The following GRM5 variants were observed in gnomAD, a reference collection of about 807,000 sequenced individuals.
GRM5 encodes metabotropic glutamate receptor 5.
Under a neutral mutation model 83.1 loss-of-function variants are expected in GRM5, and 19 were observed. The observed-to-expected ratio is 0.23, with a 90% CI of 0.16 to 0.34. The LOEUF is 0.34. GRM5 is among the 10% of genes least tolerant of loss of function. GRM5 has a pLI of 1.00. For missense variants in GRM5, 1,160 were observed against 1,588.3 expected (o/e 0.73, Z 4.58); for synonymous variants, 675 against 633.6 (o/e 1.07, Z -0.98).
intron 2 of GRM5, among the ~76,000 whole-genome samples, chr11:89,003,030 A>C (rs952578748): frequency 7.9e-5 from 12 of 152,210 alleles, no homozygotes; most frequent in African/African-American, 2.6e-4. Context: ...GCACTATCCC[A>C]AAAATTTTTC....
intron 2 of GRM5, among the ~76,000 whole-genome samples, chr11:88,918,444 ATTAAT>A (rs879823127): frequency 1.3e-5 from 2 of 151,812 alleles, no homozygotes; most frequent in Non-Finnish European, 2.9e-5. Flanking sequence ...TAATAAATAA[ATTAAT>A]TTAAAAAAAA....
At position 88,566,888 on chromosome 11, in the gene GRM5, C is replaced by T. The variant is rs539365130; in HGVS notation, c.2630+165G>A. On this transcript the variant is annotated intron_variant, in intron 8 of 9. Coordinates refer to ENST00000305447, the MANE Select transcript of GRM5 (RefSeq NM_001143831.3). ...GGCCTAAGTAATTGGACCCACATCC[C>T]ATTAACCCCATAAATACCATTTTAT... Among the ~76,000 whole-genome samples the T allele has an allele frequency of 1.2e-4, 18 of 152,236 alleles. No individual in the cohort carries two copies. The South Asian group carries it at 3.7e-3, about 32-fold the overall frequency.
At position 88,822,697 on chromosome 11, in the gene GRM5, T is replaced by C. The variant is rs2135511042; in HGVS notation, c.911+27209A>G. 1.3e-5 allele frequency among the ~76,000 whole-genome samples: 2 copies of C among 152,228 alleles called. 1 individual carries two copies. Among genetic ancestry groups the C allele is most frequent in the South Asian group, 4.2e-4 (2 of 4,818 alleles). ...TTCCGGTTCCTGAATGTGGTACATC[T>C]TTCCCTTTAAGTCTTTATTTCTTCT... On this transcript the variant is annotated intron_variant, in intron 3 of 9. Coordinates refer to ENST00000305447, the MANE Select transcript of GRM5 (RefSeq NM_001143831.3).
At chr11:88,606,260 C>T (rs759992924) in intron 4 of GRM5, among the ~76,000 whole-genome samples, 17 of 152,302 alleles carry the variant, frequency 1.1e-4, no homozygotes, top group Non-Finnish European at 1.6e-4. Flanking sequence ...CGGTGGCTCA[C>T]GCCTGTAATC....
intron 3 of GRM5, among the ~76,000 whole-genome samples, chr11:88,682,869 T>C (rs1940529668): frequency 1.3e-5 from 2 of 152,118 alleles, no homozygotes; most frequent in African/African-American, 4.8e-5. Context: ...TTTTTTTCTT[T>C]GTATTTCCCA....
At chr11:89,025,921 T>C (rs7125869) in intron 2 of GRM5, among the ~76,000 whole-genome samples, 13,044 of 152,136 alleles carry the variant, frequency 0.086, 1,383 homozygotes, top group African/African-American at 0.25. Flanking sequence ...AGCAAAGACA[T>C]AGAATCAACT....
At chr11:88,817,690 T>C (rs956188821) in intron 3 of GRM5, among the ~76,000 whole-genome samples, 3 of 152,138 alleles carry the variant, frequency 2.0e-5, no homozygotes, top group South Asian at 4.1e-4. Flanking sequence ...CTGAGTTATT[T>C]ATTAAATTAT....
chr11:88,844,389 C>CACATAT (rs1555025982), intron 3 of GRM5, among the ~76,000 whole-genome samples: 2 of 145,266 alleles, frequency 1.4e-5, no homozygotes, highest in African/African-American at 5.3e-5. Flanking sequence ...CACACACACA[C>CACATAT]ATATATATAT....
At chr11:89,024,644 T>C (rs1317320496) in intron 2 of GRM5, among the ~76,000 whole-genome samples, 2 of 152,210 alleles carry the variant, frequency 1.3e-5, no homozygotes, top group Non-Finnish European at 2.9e-5. Context: ...TATTATAATA[T>C]ATTATGACCA....
At chr11:89,063,040 C>G (rs1363814379) in intron 1 of GRM5, among the ~76,000 whole-genome samples, 2 of 152,248 alleles carry the variant, frequency 1.3e-5, no homozygotes, top group Non-Finnish European at 1.5e-5. Context: ...CCCGCTGTCC[C>G]CCCTCTTCCT....
intron 8 of GRM5, among the ~76,000 whole-genome samples, chr11:88,538,391 C>T (rs1053933111): frequency 2.0e-5 from 3 of 152,136 alleles, no homozygotes; most frequent in Non-Finnish European, 2.9e-5. Flanking sequence ...CAAAACCAAT[C>T]CTAAGGTGCT....
At chr11:88,629,343 C>T (rs369142649) in intron 4 of GRM5, among the ~76,000 whole-genome samples, 19 of 152,234 alleles carry the variant, frequency 1.2e-4, no homozygotes, top group East Asian at 1.9e-4. Flanking sequence ...GTCAGCTATG[C>T]GCCGTACATA....
intron 2 of GRM5, among the ~76,000 whole-genome samples, chr11:88,898,386 T>C (rs1310344851): frequency 1.3e-5 from 2 of 152,004 alleles, no homozygotes; most frequent in Admixed American, 6.6e-5. Context: ...CATTTGGACT[T>C]TCACATCCCT....
At chr11:88,967,271 AT>A (rs1565313030) in intron 2 of GRM5, among the ~76,000 whole-genome samples, 135 of 111,808 alleles carry the variant, frequency 1.2e-3, no homozygotes, top group African/African-American at 4.3e-3. Flanking sequence ...ATATATATAT[AT>A]ATATAAAATC....
Position 88,978,211 on chromosome 11 carries a change from T to G in GRM5, c.661+69001A>C, listed in dbSNP as rs1023080594. ...TAAACACTTGCAAAGAGGGTAGATC[T>G]TATGTTAATTGTTCTGTCACAAAAA... On this transcript the variant is annotated intron_variant, in intron 2 of 9. Coordinates refer to ENST00000305447, the MANE Select transcript of GRM5 (RefSeq NM_001143831.3). Among the ~76,000 whole-genome samples the G allele has an allele frequency of 6.6e-4, 101 of 152,066 alleles. 1 individual carries two copies. The highest frequency in any genetic ancestry group is 2.4e-3 in the African/African-American group (99 of 41,402).
chr11:89,049,767 G>A (rs1165323577), intron 1 of GRM5, among the ~76,000 whole-genome samples: 1 of 152,114 alleles, frequency 6.6e-6, no homozygotes, highest in East Asian at 1.9e-4. Context: ...GAAAAAAATA[G>A]TTTTGGTACA....
intron 2 of GRM5, among the ~76,000 whole-genome samples, chr11:89,031,086 A>G (rs984901732): frequency 5.3e-5 from 8 of 152,030 alleles, no homozygotes; most frequent in Admixed American, 2.6e-4. Context: ...ATATATGGAC[A>G]CATTATATAT....
At chr11:88,989,830 C>T (rs546435145) in intron 2 of GRM5, among the ~76,000 whole-genome samples, 25 of 151,448 alleles carry the variant, frequency 1.7e-4, no homozygotes, top group Admixed American at 1.6e-3. Context: ...AAAGACACAA[C>T]ATACCAGAAT....
intron 2 of GRM5, among the ~76,000 whole-genome samples, chr11:88,862,797 C>G (rs141528456): frequency 0.024 from 3,660 of 152,100 alleles, 205 homozygotes; most frequent in Admixed American, 0.14. Context: ...TTTCCTGATG[C>G]TCTTCCTAAT....
Sources: gnomAD v4.1 joint callset for allele counts (sites outside exome capture counted in the v4.1 genomes callset) on GRCh38, gnomAD v4.1.1 for gene constraint, MANE v1.5 for transcripts, NCBI Gene and HGNC (gene_info 2026-07-23, HGNC 2026-07-21) for gene names.